The following RAPGEF1 variants were observed in gnomAD, a reference collection of about 807,000 sequenced individuals.
RAPGEF1 encodes the protein Rap guanine nucleotide exchange factor 1.
Under a neutral mutation model 143.3 loss-of-function variants are expected in RAPGEF1, and 33 were observed. That is an observed-to-expected ratio of 0.23 (90% CI 0.17 to 0.31). The LOEUF (loss-of-function observed/expected upper bound fraction) is 0.31, where lower values mean the gene tolerates loss of function less well. RAPGEF1 is among the 10% of genes least tolerant of loss of function. RAPGEF1 has a pLI of 1.00. For missense variants in RAPGEF1, 1,199 were observed against 1,645.4 expected (o/e 0.73, Z 4.69); for synonymous variants, 629 against 676.5 (o/e 0.93, Z 1.09).
chr9:131,604,968 G>A lies in RAPGEF1; in HGVS notation c.2282C>T (p.Thr761Ile), dbSNP rs1259349663. ...AGAGGTTTCGGAAGGAAGGCAGACA[G>A]TATTCCCATGAAAGCTGCTCTCCTG... The part of the protein sequence containing the change: ...ASQESSFHGN[T>I]VCLPSETSFT... Residue 761 changes from threonine to isoleucine, a missense_variant, in exon 13 of 27, where the codon ACT (threonine) becomes ATT (isoleucine). Transcript: ENST00000683357. 2.3e-6 allele frequency: 3 copies of A among 1,320,384 alleles called. No homozygotes were observed. Among genetic ancestry groups the A allele is most frequent in the African/African-American group, 3.0e-5 (2 of 66,650 alleles). 81.8% of individuals were successfully genotyped at this position (1,320,384 alleles called of 1,614,324 possible).
chr9:131,680,951 G>A (rs1213042645), intron 1 of RAPGEF1, among the ~76,000 whole-genome samples: 5 of 152,112 alleles, frequency 3.3e-5, no homozygotes, highest in African/African-American at 7.2e-5. Context: ...TGGAGAATGC[G>A]GAACTAGCTG....
chr9:131,682,863 G>A (rs1833031682), intron 1 of RAPGEF1, among the ~76,000 whole-genome samples: 2 of 152,160 alleles, frequency 1.3e-5, no homozygotes, highest in South Asian at 2.1e-4. Flanking sequence ...AGCACTGGCC[G>A]TCCGTGAGGC....
At chr9:131,656,897 C>T (rs1308374353) in intron 1 of RAPGEF1, among the ~76,000 whole-genome samples, 1 of 152,220 alleles carries the variant, frequency 6.6e-6, no homozygotes, top group African/African-American at 2.4e-5. Flanking sequence ...CAATGCCTAC[C>T]AATAAATCTC....
At chr9:131,613,991 G>A (rs1373182618) in intron 12 of RAPGEF1, among the ~76,000 whole-genome samples, 3 of 152,162 alleles carry the variant, frequency 2.0e-5, no homozygotes, top group Non-Finnish European at 2.9e-5. Flanking sequence ...CGTGAGCTAC[G>A]CCAGGCCAAG....
intron 1 of RAPGEF1, among the ~76,000 whole-genome samples, chr9:131,704,790 G>A (rs1754887659): frequency 6.6e-6 from 1 of 152,138 alleles, no homozygotes; most frequent in South Asian, 2.1e-4. Context: ...AAGAAGGAAA[G>A]GAGCCAGTCA....
intron 1 of RAPGEF1, among the ~76,000 whole-genome samples, chr9:131,696,598 T>C (rs2131070343): frequency 6.6e-6 from 1 of 152,346 alleles, no homozygotes; most frequent in East Asian, 1.9e-4. Context: ...AGCAACTCTA[T>C]TGAAACAGGT....
chr9:131,615,356 G>A (rs538562116), intron 12 of RAPGEF1, among the ~76,000 whole-genome samples: 1 of 152,228 alleles, frequency 6.6e-6, no homozygotes, highest in Admixed American at 6.5e-5. Context: ...TTGCAGGCGT[G>A]AGCCACTGCA....
At chr9:131,626,549 T>C (rs1471949819) in intron 9 of RAPGEF1, 127 bp from the exon 10 acceptor site, 2 of 878,510 alleles carry the variant, frequency 2.3e-6, no homozygotes, top group Non-Finnish European at 3.3e-6. Context: ...CCAGGGCTTA[T>C]TTTATATTCA....
In RAPGEF1 at chr9:131,714,705, CTTTT is replaced by C. The variant is rs10568442; in HGVS notation, c.61+25061_61+25064del. Among the ~76,000 whole-genome samples, 545 of 114,634 alleles carry C rather than the reference CTTTT, an allele frequency of 4.8e-3. 3 individuals carry two copies. The highest frequency in any genetic ancestry group is 0.015 in the African/African-American group (399 of 26,054). 75.2% of individuals were successfully genotyped at this position (114,634 alleles called of 152,430 possible). On this transcript the variant is annotated intron_variant, in intron 1 of 26. Coordinates refer to ENST00000683357, the MANE Select transcript of RAPGEF1 (RefSeq NM_001377935.1). ...TCTTCTGGGGTCCTCTAGACTCTGC[CTTTT>C]TTTTTTTTTTTTTTTTTTGAGACAG...
intron 1 of RAPGEF1, among the ~76,000 whole-genome samples, chr9:131,711,951 T>C (rs1336372194): frequency 6.6e-6 from 1 of 152,122 alleles, no homozygotes; most frequent in Non-Finnish European, 1.5e-5. Flanking sequence ...AAATAATCTT[T>C]CCAATTTATG....
intron 12 of RAPGEF1, among the ~76,000 whole-genome samples, chr9:131,610,341 C>T (rs536294308): frequency 3.2e-4 from 48 of 152,016 alleles, no homozygotes; most frequent in African/African-American, 1.1e-3. Flanking sequence ...GCTGAGGAAC[C>T]TTGATCAGAA....
chr9:131,692,680 CTT>C (rs1189913534), intron 1 of RAPGEF1, among the ~76,000 whole-genome samples: 2 of 152,224 alleles, frequency 1.3e-5, no homozygotes, highest in Non-Finnish European at 1.5e-5. Context: ...TCTGACTCCT[CTT>C]GATTTTTCCT....
intron 1 of RAPGEF1, among the ~76,000 whole-genome samples, chr9:131,666,183 G>A (rs1435031517): frequency 6.6e-6 from 1 of 152,170 alleles, no homozygotes; most frequent in East Asian, 1.9e-4. Flanking sequence ...TCTAGCACAC[G>A]AGTCAGAGAC....
intron 20 of RAPGEF1, 77 bp from the exon 21 acceptor site, chr9:131,588,103 G>A: frequency 7.8e-7 from 1 of 1,275,020 alleles, no homozygotes. Context: ...CCGGGCTGCG[G>A]GCGTCAGAGC....
At chr9:131,698,629 C>G (rs902229371) in intron 1 of RAPGEF1, among the ~76,000 whole-genome samples, 4 of 152,240 alleles carry the variant, frequency 2.6e-5, no homozygotes, top group African/African-American at 4.8e-5. Context: ...CTCCCTTCCC[C>G]TTGAATCTGG....
intron 1 of RAPGEF1, among the ~76,000 whole-genome samples, chr9:131,663,532 C>T (rs1829935224): frequency 6.6e-6 from 1 of 150,944 alleles, no homozygotes; most frequent in African/African-American, 2.4e-5. Flanking sequence ...TCCAATTTCC[C>T]TTATCTAGTC....
intron 16 of RAPGEF1, among the ~76,000 whole-genome samples, chr9:131,596,830 C>T (rs1160944259): frequency 6.6e-6 from 1 of 152,210 alleles, no homozygotes; most frequent in Non-Finnish European, 1.5e-5. Flanking sequence ...CCCAAAACTG[C>T]AGCAAGCGGC....
chr9:131,616,134 G>A (rs1958967751), intron 12 of RAPGEF1, among the ~76,000 whole-genome samples: 1 of 152,080 alleles, frequency 6.6e-6, no homozygotes, highest in Non-Finnish European at 1.5e-5. Context: ...TGGGCGTTGT[G>A]GAGGGCGGCT....
chr9:131,734,045 C>T (rs1200355222), intron 1 of RAPGEF1, among the ~76,000 whole-genome samples: 1 of 152,168 alleles, frequency 6.6e-6, no homozygotes, highest in Non-Finnish European at 1.5e-5. Flanking sequence ...ACTAGTATTA[C>T]GAGTATCAGA....
Sources: gnomAD v4.1 joint callset for allele counts (sites outside exome capture counted in the v4.1 genomes callset) on GRCh38, gnomAD v4.1.1 for gene constraint, MANE v1.5 for transcripts, NCBI Gene and HGNC (gene_info 2026-07-23, HGNC 2026-07-21) for gene names.